TMEM154: variants seen among roughly 807,000 people sequenced by gnomAD.
TMEM154 encodes the protein transmembrane protein 154.
TMEM154 carries 27 observed loss-of-function variants against 24.5 expected under a neutral mutation model. The ratio of observed to expected loss-of-function variants is 1.10; its 90% CI spans 0.81 to 1.52. The LOEUF (loss-of-function observed/expected upper bound fraction) is 1.52. TMEM154 is among the 40% of genes most tolerant of loss of function. The probability of loss-of-function intolerance (pLI) is 0.00; values close to 1 mark genes in which losing one functional copy is unlikely to be tolerated. For synonymous variants in TMEM154, 67 were observed against 76.8 expected, an observed-to-expected ratio of 0.87 and a Z score of 0.67; for missense variants, 228 against 213.4, an observed-to-expected ratio of 1.07 and a Z score of -0.43.
intron 6 of TMEM154, among the ~76,000 whole-genome samples, chr4:152,634,212 C>A (rs1352279240): frequency 6.6e-6 from 1 of 152,074 alleles, no homozygotes. Flanking sequence ...AACTGTAATA[C>A]CTTGTTTCAT....
chr4:152,669,017 C>A (rs534950520), intron 1 of TMEM154: 1 of 152,202 alleles, frequency 6.6e-6, no homozygotes, highest in Admixed American at 6.5e-5. Flanking sequence ...ATTTTCCTAT[C>A]GTGGCTGGAG....
chr4:152,655,724 G>T (rs753129631), intron 1 of TMEM154, among the ~76,000 whole-genome samples: 1 of 151,928 alleles, frequency 6.6e-6, no homozygotes, highest in Non-Finnish European at 1.5e-5. Flanking sequence ...AACTGCTGCT[G>T]CTAGGGCCAA....
chr4:152,659,991 TGGGTAACTGAAACCAC>T (rs548219135), intron 1 of TMEM154, among the ~76,000 whole-genome samples: 4,901 of 152,234 alleles, frequency 0.032, 112 homozygotes, highest in Non-Finnish European at 0.051. Context: ...CGGTTGACCA[TGGGTAACTGAAACCAC>T]GGGTAACTGA....
At chr4:152,663,850 A>G (rs1252941951) in intron 1 of TMEM154, among the ~76,000 whole-genome samples, 1 of 152,264 alleles carries the variant, frequency 6.6e-6, no homozygotes, top group Non-Finnish European at 1.5e-5. Flanking sequence ...ATATTCACGC[A>G]GACACATCTG....
chr4:152,669,918 G>C (rs1728793161), intron 1 of TMEM154: 1 of 152,152 alleles, frequency 6.6e-6, no homozygotes, highest in Non-Finnish European at 1.5e-5. Context: ...TAATTACTCA[G>C]GAAATATTTC....
In TMEM154 at chr4:152,623,882, A is replaced by G. The variant is rs987562484; in HGVS notation, c.*4664T>C. The G allele has an allele frequency of 7.8e-6, 1 of 128,600 alleles. No homozygotes were observed. Among genetic ancestry groups the G allele is most frequent in the Admixed American group, 8.3e-5 (1 of 12,070 alleles). The allele number at this position is 128,600 out of a possible 1,614,324, so 8.0% of individuals were successfully genotyped here. A position where few individuals can be genotyped will look rare whatever the true frequency, so the allele number is the denominator to read the frequency against. ...GGGCAACAGAGCAAAACACTATCTT[A>G]AAAAAAAAAAAAAAGGAAATGGGAA... On this transcript the variant is annotated 3_prime_UTR_variant, in exon 7 of 7. Coordinates refer to ENST00000304385, the MANE Select transcript of TMEM154 (RefSeq NM_152680.3).
intron 1 of TMEM154, among the ~76,000 whole-genome samples, chr4:152,671,834 T>C (rs1004255149): frequency 1.3e-5 from 2 of 151,154 alleles, no homozygotes; most frequent in Admixed American, 6.6e-5. Context: ...AGAATGAGTA[T>C]TGTTTTGGAA....
intron 3 of TMEM154, among the ~76,000 whole-genome samples, chr4:152,650,102 C>T (rs754607288): frequency 8.5e-5 from 13 of 152,082 alleles, no homozygotes; most frequent in Non-Finnish European, 1.6e-4. Flanking sequence ...GTGGTGGTTG[C>T]TGATGGTTGG....
rs1414122467 is a variant in TMEM154 at position 152,627,521 on chromosome 4, T to C, written c.*1025A>G. Reference sequence around the variant, plus strand: ...GCACAAGGATGTCAAAAATATCACATAGAATGTCATCTCTGATGGACTGAC... The same window carrying C: ...GCACAAGGATGTCAAAAATATCACACAGAATGTCATCTCTGATGGACTGAC... On this transcript the variant is annotated 3_prime_UTR_variant, in exon 7 of 7. Coordinates refer to ENST00000304385, the MANE Select transcript of TMEM154 (RefSeq NM_152680.3). 2.0e-5 allele frequency: 3 copies of C among 152,206 alleles called. No individual in the cohort carries two copies. Among genetic ancestry groups the C allele is most frequent in the Non-Finnish European group, 2.9e-5 (2 of 68,030 alleles). 9.4% of individuals were successfully genotyped at this position (152,206 alleles called of 1,614,324 possible).
chr4:152,652,028 G>T (rs946259933), intron 3 of TMEM154, among the ~76,000 whole-genome samples: 1 of 152,186 alleles, frequency 6.6e-6, no homozygotes, highest in Non-Finnish European at 1.5e-5. Context: ...CACACACAAT[G>T]TTTATCAATT....
intron 1 of TMEM154, among the ~76,000 whole-genome samples, chr4:152,665,544 T>G (rs1728702018): frequency 6.6e-6 from 1 of 152,146 alleles, no homozygotes; most frequent in African/African-American, 2.4e-5. Context: ...GCTGTGACAA[T>G]CACACCTTCC....
At chr4:152,666,966 T>C (rs1579534541) in intron 1 of TMEM154, 1 of 152,346 alleles carries the variant, frequency 6.6e-6, no homozygotes, top group Non-Finnish European at 1.5e-5. Context: ...CCGATGCTCA[T>C]GGACTACAGA....
Position 152,618,812 on chromosome 4 carries a change from C to T in TMEM154, c.*9734G>A, listed in dbSNP as rs1013522736. The T allele has an allele frequency of 1.3e-5, 2 of 152,058 alleles. No homozygotes were observed. The highest frequency in any genetic ancestry group is 6.6e-5 in the Admixed American group (1 of 15,266). The allele number at this position is 152,058 out of a possible 1,614,324, so 9.4% of individuals were successfully genotyped here. On this transcript the variant is annotated 3_prime_UTR_variant, in exon 7 of 7. Coordinates refer to ENST00000304385, the MANE Select transcript of TMEM154 (RefSeq NM_152680.3). Reference sequence around the variant, plus strand: ...AGCTAAAAATACAATACAATACACACAATAGGACAATATGAAATAAAGATA... The same window carrying T: ...AGCTAAAAATACAATACAATACACATAATAGGACAATATGAAATAAAGATA...
intron 1 of TMEM154, among the ~76,000 whole-genome samples, chr4:152,673,497 C>T (rs978184187): frequency 1.3e-5 from 2 of 152,182 alleles, no homozygotes; most frequent in Admixed American, 6.5e-5. Flanking sequence ...GACGGAATTT[C>T]ACCACATTGG....
At chr4:152,640,892 C>CCGA in intron 6 of TMEM154, 36 bp downstream of exon 6, 2 of 1,454,088 alleles carry the variant, frequency 1.4e-6, no homozygotes, top group Non-Finnish European at 1.9e-6. Context: ...CGCCCCCCGC[C>CCGA]ATATACATGT....
chr4:152,658,787 TG>T (rs1728539980), intron 1 of TMEM154, among the ~76,000 whole-genome samples: 1 of 150,932 alleles, frequency 6.6e-6, no homozygotes, highest in Non-Finnish European at 1.5e-5. Flanking sequence ...CACTCCAGCC[TG>T]GGTGACAGAG....
chr4:152,657,699 T>G (rs980037700), intron 1 of TMEM154, among the ~76,000 whole-genome samples: 1 of 152,012 alleles, frequency 6.6e-6, no homozygotes, highest in Non-Finnish European at 1.5e-5. Flanking sequence ...AGAAATAATC[T>G]AAAATCAGCA....
At chr4:152,652,131 G>C (rs900971030) in intron 3 of TMEM154, among the ~76,000 whole-genome samples, 5 of 140,932 alleles carry the variant, frequency 3.5e-5, no homozygotes, top group African/African-American at 5.1e-5. Flanking sequence ...CACCATAACA[G>C]GCATAGTAGT....
At chr4:152,664,382 G>T (rs374382649) in intron 1 of TMEM154, among the ~76,000 whole-genome samples, 3 of 152,030 alleles carry the variant, frequency 2.0e-5, no homozygotes, top group Admixed American at 1.3e-4. Context: ...CGTGGCGGGG[G>T]GGTACAAGGG....
Sources: gnomAD v4.1 joint callset for allele counts (sites outside exome capture counted in the v4.1 genomes callset) on GRCh38, gnomAD v4.1.1 for gene constraint, MANE v1.5 for transcripts, NCBI Gene and HGNC (gene_info 2026-07-23, HGNC 2026-07-21) for gene names.